The following ADK variants were observed in gnomAD, a reference collection of about 807,000 sequenced individuals.
The protein encoded by ADK is adenosine kinase.
In ADK, 24 loss-of-function variants were observed where a neutral mutation model predicts 44.7. That is an observed-to-expected ratio of 0.54 (90% CI 0.39 to 0.76). ADK has a LOEUF of 0.76. ADK is among the 30% of genes least tolerant of loss of function. ADK has a pLI of 0.00. For missense variants in ADK, 321 were observed against 425.1 expected, an observed-to-expected ratio of 0.76 and a Z score of 2.15; for synonymous variants, 128 against 142.6, an observed-to-expected ratio of 0.90 and a Z score of 0.73.
intron 6 of ADK, among the ~76,000 whole-genome samples, chr10:74,455,863 G>T (rs1845926767): frequency 6.6e-6 from 1 of 152,120 alleles, no homozygotes; most frequent in Admixed American, 6.5e-5. Context: ...TCTGCAGAGA[G>T]ATCTGCTGTT....
intron 2 of ADK, among the ~76,000 whole-genome samples, chr10:74,219,665 C>G (rs1844214733): frequency 6.6e-6 from 1 of 151,814 alleles, no homozygotes; most frequent in Admixed American, 6.6e-5. Flanking sequence ...TTATAACAAA[C>G]TGTCTCTCAG....
rs552734317 is a variant in ADK, at chr10:74,697,871, T to G, written c.965-10450T>G. Among the ~76,000 whole-genome samples the G allele has an allele frequency of 2.0e-5, 3 of 152,328 alleles. No individual in the cohort carries two copies. In the East Asian group the frequency reaches 5.8e-4, roughly 29 times the overall value. ...CTACCTCTGTGTGCTTTGAGGAAAC[T>G]AGTGTAGCACCTCCTCTTTTTGTAC... is the stretch of plus-strand genomic sequence containing the variant. On this transcript the variant is annotated intron_variant, in intron 10 of 10. Coordinates refer to ENST00000539909, the MANE Select transcript of ADK (RefSeq NM_006721.4).
intron 1 of ADK, among the ~76,000 whole-genome samples, chr10:74,169,842 A>G (rs1333881231): frequency 2.6e-5 from 4 of 152,248 alleles, no homozygotes; most frequent in Admixed American, 2.6e-4. Flanking sequence ...ACAAGTATGC[A>G]CAAGTATTTT....
chr10:74,306,395 G>A (rs930572954), intron 3 of ADK, among the ~76,000 whole-genome samples: 2 of 152,046 alleles, frequency 1.3e-5, no homozygotes, highest in Admixed American at 6.6e-5. Context: ...TCTCCGCCTT[G>A]GTAATCCAGC....
intron 10 of ADK, among the ~76,000 whole-genome samples, chr10:74,704,010 A>G (rs1243539004): frequency 1.3e-5 from 2 of 152,250 alleles, no homozygotes. Flanking sequence ...ATACATTTTA[A>G]GCAGGCTAAT....
intron 6 of ADK, among the ~76,000 whole-genome samples, chr10:74,413,450 T>C (rs1023604858): frequency 1.3e-5 from 2 of 152,222 alleles, no homozygotes; most frequent in Admixed American, 6.5e-5. Flanking sequence ...TTTTATGATA[T>C]GGAGATTGCT....
chr10:74,577,459 A>AT (rs200103225), intron 7 of ADK, among the ~76,000 whole-genome samples: 1,661 of 151,252 alleles, frequency 0.011, 16 homozygotes, highest in Non-Finnish European at 0.018. Context: ...TTTATTAAAG[A>AT]TTTTTTTTTC....
chr10:74,564,163 G>A (rs924306742), intron 7 of ADK, among the ~76,000 whole-genome samples: 2 of 151,562 alleles, frequency 1.3e-5, no homozygotes, highest in African/African-American at 4.9e-5. Flanking sequence ...TTGTTCTTGG[G>A]ATAGTTTACT....
intron 4 of ADK, among the ~76,000 whole-genome samples, chr10:74,366,260 T>C (rs1327596833): frequency 6.6e-6 from 1 of 152,158 alleles, no homozygotes; most frequent in East Asian, 1.9e-4. Flanking sequence ...TTTAAGTCTT[T>C]ATACTAAAAT....
intron 7 of ADK, chr10:74,551,242 C>T (rs1730151571): frequency 6.6e-6 from 1 of 152,138 alleles, no homozygotes; most frequent in South Asian, 2.1e-4. Flanking sequence ...TACCTTATAC[C>T]ACACACCAAA....
intron 6 of ADK, among the ~76,000 whole-genome samples, chr10:74,449,049 A>G (rs1057120662): frequency 1.3e-5 from 2 of 152,146 alleles, no homozygotes; most frequent in African/African-American, 2.4e-5. Flanking sequence ...TGGTTGATCG[A>G]TTTTGAGGAA....
At chr10:74,477,765 C>T (rs1214475746) in intron 6 of ADK, among the ~76,000 whole-genome samples, 1 of 152,082 alleles carries the variant, frequency 6.6e-6, no homozygotes, top group Admixed American at 6.6e-5. Flanking sequence ...TTATATTGTT[C>T]TGTAACCAAA....
At chr10:74,475,003 T>TA (rs1846771436) in intron 6 of ADK, among the ~76,000 whole-genome samples, 1 of 152,068 alleles carries the variant, frequency 6.6e-6, no homozygotes. Flanking sequence ...CACGCACCTG[T>TA]AATCCCAGCT....
chr10:74,657,466 A>G (rs1854529512), intron 9 of ADK, among the ~76,000 whole-genome samples: 1 of 152,218 alleles, frequency 6.6e-6, no homozygotes, highest in South Asian at 2.1e-4. Context: ...TTAAATCCCA[A>G]TGGCAGGATC....
intron 6 of ADK, among the ~76,000 whole-genome samples, chr10:74,427,422 T>G (rs1226152688): frequency 6.6e-6 from 1 of 152,144 alleles, no homozygotes; most frequent in Non-Finnish European, 1.5e-5. Flanking sequence ...ATGGTCTCGA[T>G]CTCTTGACCT....
At chr10:74,471,085 T>A (rs1315674015) in intron 6 of ADK, among the ~76,000 whole-genome samples, 1 of 151,764 alleles carries the variant, frequency 6.6e-6, no homozygotes, top group Non-Finnish European at 1.5e-5. Context: ...CTTTTTTTTT[T>A]TTTTTTTGAG....
intron 2 of ADK, among the ~76,000 whole-genome samples, chr10:74,203,569 A>G (rs1412828782): frequency 6.6e-6 from 1 of 151,946 alleles, no homozygotes; most frequent in Non-Finnish European, 1.5e-5. Flanking sequence ...TATGATGCCC[A>G]GGCTGGTCTC....
chr10:74,385,734 A>C lies in ADK; in HGVS notation c.274-8407A>C, dbSNP rs371605471. 2.2e-4 allele frequency among the ~76,000 whole-genome samples: 33 copies of C among 152,262 alleles called. No homozygotes were observed. In the East Asian group the frequency reaches 3.1e-3, roughly 14 times the overall value. On this transcript the variant is annotated intron_variant, in intron 4 of 10. Coordinates refer to ENST00000539909, the MANE Select transcript of ADK (RefSeq NM_006721.4). ...ATTATCCTATTCAATCATCACAATA[A>C]TTCCACAAGAAACATAGTCTCTGAA...
At chr10:74,383,014 A>G (rs1407865290) in intron 4 of ADK, among the ~76,000 whole-genome samples, 1 of 152,010 alleles carries the variant, frequency 6.6e-6, no homozygotes, top group African/African-American at 2.4e-5. Flanking sequence ...CAAGCAGACT[A>G]ACAAAGCTTA....
Sources: allele counts gnomAD v4.1 joint callset (sites outside exome capture counted in the v4.1 genomes callset), GRCh38; gene constraint gnomAD v4.1.1; transcripts MANE v1.5; gene names NCBI Gene and HGNC (gene_info 2026-07-23, HGNC 2026-07-21).